Variants in ZNF729 observed in about 807,000 individuals in gnomAD.
ZNF729 encodes zinc finger protein 729.
ZNF729 carries 15 observed loss-of-function variants against 12.2 expected under a neutral mutation model. That is an observed-to-expected ratio of 1.23 (90% CI 0.82 to 1.89). The LOEUF (loss-of-function observed/expected upper bound fraction) is 1.89, where lower values mean the gene tolerates loss of function less well. Ranked by LOEUF, ZNF729 falls within the 40% of genes most tolerant of loss-of-function variation. ZNF729 has a pLI of 0.00. For synonymous variants in ZNF729, 492 were observed against 476.3 expected, an observed-to-expected ratio of 1.03 and a Z score of -0.43; for missense variants, 1,540 against 1,456.7, an observed-to-expected ratio of 1.06 and a Z score of -0.93.
Position 22,286,471 on chromosome 19 carries a change from T to A in ZNF729, c.-55T>A. 1 of 1,609,062 alleles carries A rather than the reference T, an allele frequency of 6.2e-7. No homozygotes were observed. Among genetic ancestry groups the A allele is most frequent in the Non-Finnish European group, 8.5e-7 (1 of 1,178,254 alleles). On this transcript the variant is annotated 5_prime_UTR_variant, in exon 1 of 4. Coordinates refer to ENST00000601693, the MANE Select transcript of ZNF729 (RefSeq NM_001242680.2). ...TCCCGGTCTCGCCTTCACTGCTGTGTGTCCTCAGCCTCTGTGGCCCTGTAA... is the reference window on the plus strand; with the variant it reads ...TCCCGGTCTCGCCTTCACTGCTGTGAGTCCTCAGCCTCTGTGGCCCTGTAA...
In ZNF729 at chr19:22,314,484, C is replaced by CT. The variant is rs1291312965; in HGVS notation, c.1071dup (p.Ser358Ter). 6.2e-7 allele frequency: 1 copy of CT among 1,608,608 alleles called. No individual in the cohort carries two copies. Among genetic ancestry groups the CT allele is most frequent in the Admixed American group, 1.7e-5 (1 of 59,500 alleles). ...TACAAGCGTGAAGAATGTGGCAAAGCTTTTAGCCAGTCCTCAACCCTTAGA... is the reference window on the plus strand; with the variant it reads ...TACAAGCGTGAAGAATGTGGCAAAGCTTTTTAGCCAGTCCTCAACCCTTAGA... On this transcript the variant is annotated frameshift_variant, in exon 4 of 4. Transcript: ENST00000601693. LOFTEE classifies it low-confidence loss of function (END_TRUNC).
At position 22,295,034 on chromosome 19, in the gene ZNF729, ATATTTG is replaced by A. The variant is rs1264505498; in HGVS notation, c.30+8481_30+8486del. On this transcript the variant is annotated intron_variant, in intron 1 of 3. Coordinates refer to ENST00000601693, the MANE Select transcript of ZNF729 (RefSeq NM_001242680.2). ...CTTCTCTGGTTAGGTGTACTCCTAG[ATATTTG>A]TGTGTGTGTGTGTGTGTGTGTGTGT... 1.6e-4 allele frequency among the ~76,000 whole-genome samples: 18 copies of A among 113,464 alleles called. No individual in the cohort carries two copies. The East Asian group carries it at 4.2e-3, about 26-fold the overall frequency. 74.4% of individuals were successfully genotyped at this position (113,464 alleles called of 152,430 possible).
At position 22,286,643 on chromosome 19, in the gene ZNF729, C is replaced by A. The variant is rs115202537; in HGVS notation, c.30+88C>A. 4.4e-3 allele frequency: 6,683 copies of A among 1,523,130 alleles called. 250 individuals carry two copies. The African/African-American group carries it at 0.079, about 18-fold the overall frequency. The allele number at this position is 1,523,130 out of a possible 1,614,324, so 94.4% of individuals were successfully genotyped here. ...GGCTGTGGCGGGACTCCGGCCTCCC[C>A]GCAGTCAGCTCCACAATCTGCGCCT... On this transcript the variant is annotated intron_variant, in intron 1 of 3. Transcript: ENST00000601693.
intron 3 of ZNF729, among the ~76,000 whole-genome samples, chr19:22,307,798 G>A (rs1330542432): frequency 1.3e-5 from 1 of 76,920 alleles, no homozygotes; most frequent in Non-Finnish European, 2.5e-5. Context: ...GGAAAGCTCT[G>A]TGTTTTTTTT....
At chr19:22,295,881 A>G in intron 1 of ZNF729, among the ~76,000 whole-genome samples, 1 of 152,168 alleles carries the variant, frequency 6.6e-6, no homozygotes, top group Middle Eastern at 3.4e-3. Flanking sequence ...TATTGAGATA[A>G]TTTTTTTGGT....
rs1296926759 is a variant in ZNF729, at chr19:22,316,876, T to A, written c.3459T>A (p.Ile1153=). The A allele has an allele frequency of 6.2e-7, 1 of 1,613,008 alleles. No individual in the cohort carries two copies. Among genetic ancestry groups the A allele is most frequent in the African/African-American group, 1.3e-5 (1 of 75,048 alleles). ...QSSILTKHKI[I]HSVEKPYKCE... ...CAATCCTTACTAAACATAAGATAAT[T>A]CATTCTGTAGAGAAACCCTACAAAT... The change falls in exon 4 of 4, where the codon ATT becomes ATA. Residue 1153 remains isoleucine, a synonymous_variant. Transcript: ENST00000601693.
In ZNF729 at chr19:22,316,872, T is replaced by C. The variant is rs1968554001; in HGVS notation, c.3455T>C (p.Ile1152Thr). The part of the protein sequence containing the change: ...SQSSILTKHK[I>T]IHSVEKPYKC... ...TCCTCAATCCTTACTAAACATAAGA[T>C]AATTCATTCTGTAGAGAAACCCTAC... Residue 1152 changes from isoleucine to threonine, a missense_variant, in exon 4 of 4, where the codon ATA (isoleucine) becomes ACA (threonine). Ile to Thr is a moderately conservative substitution (Grantham distance 89). Transcript: ENST00000601693. The C allele has an allele frequency of 6.2e-7, 1 of 1,612,280 alleles. No homozygotes were observed. The highest frequency in any genetic ancestry group is 1.1e-5 in the South Asian group (1 of 91,048).
chr19:22,295,389 CTTTTTTTTT>C (rs746054091), intron 1 of ZNF729, among the ~76,000 whole-genome samples: 2,294 of 130,876 alleles, frequency 0.018, 78 homozygotes, highest in African/African-American at 0.062. Flanking sequence ...AGTTTTCTTT[CTTTTTTTTT>C]TTTTTTTTTG....
At chr19:22,295,456 TCTCCGCTCACTGCAAGCTCCGC>T (rs1312643933) in intron 1 of ZNF729, among the ~76,000 whole-genome samples, 17 of 151,186 alleles carry the variant, frequency 1.1e-4, no homozygotes, top group Admixed American at 2.6e-4. Context: ...GGTGCAATCT[TCTCCGCTCACTGCAAGCTCCGC>T]CTCCCGTGTT....
At chr19:22,286,593 G>T in intron 1 of ZNF729, 38 bp downstream of exon 1, 1 of 1,613,920 alleles carries the variant, frequency 6.2e-7, no homozygotes, top group Non-Finnish European at 8.5e-7. Flanking sequence ...GAAGGGGAAG[G>T]GGCTGATTGG....
intron 1 of ZNF729, among the ~76,000 whole-genome samples, chr19:22,300,399 A>T (rs754097725): frequency 1.3e-5 from 2 of 152,124 alleles, no homozygotes; most frequent in Non-Finnish European, 2.9e-5. Flanking sequence ...TGTCTGTTCT[A>T]TTGTGGAGTT....
At chr19:22,292,832 T>A (rs1968173224) in intron 1 of ZNF729, among the ~76,000 whole-genome samples, 1 of 152,208 alleles carries the variant, frequency 6.6e-6, no homozygotes, top group African/African-American at 2.4e-5. Context: ...AATGAACATG[T>A]ATGTGCAGGT....
At chr19:22,291,625 A>G (rs963456706) in intron 1 of ZNF729, among the ~76,000 whole-genome samples, 21 of 152,140 alleles carry the variant, frequency 1.4e-4, no homozygotes, top group African/African-American at 5.1e-4. Context: ...GCCTGCATGG[A>G]CCCAGAAATT....
chr19:22,303,560 G>A (rs1238530854), intron 1 of ZNF729, among the ~76,000 whole-genome samples, 198 bp from the exon 2 acceptor site: 3 of 152,192 alleles, frequency 2.0e-5, no homozygotes, highest in African/African-American at 7.2e-5. Flanking sequence ...CGGATCTTAT[G>A]CCATTCTTTT....
Position 22,315,341 on chromosome 19 carries a change from C to G in ZNF729, c.1924C>G (p.His642Asp). The change falls in exon 4 of 4, where the codon CAC (histidine) becomes GAC (aspartate). Residue 642 changes from histidine to aspartate, a missense_variant. His to Asp is a moderately conservative substitution (Grantham distance 81, BLOSUM62 -1). Transcript: ENST00000601693. ...TGGCAAAGCTTTTAGGCAATCCTCA[C>G]ACCTTACTAGACATAAAGCAATTCA... ...ECGKAFRQSS[H>D]LTRHKAIHTG... 6.2e-7 allele frequency: 1 copy of G among 1,607,592 alleles called. No individual in the cohort carries two copies. The highest frequency in any genetic ancestry group is 8.5e-7 in the Non-Finnish European group (1 of 1,177,878).
chr19:22,291,825 C>A (rs1167770596), intron 1 of ZNF729, among the ~76,000 whole-genome samples: 10 of 152,350 alleles, frequency 6.6e-5, no homozygotes, highest in Non-Finnish European at 1.0e-4. Context: ...CCTCAGCCTT[C>A]TGGTTTCAAG....
At position 22,314,421 on chromosome 19, in the gene ZNF729, T is replaced by G. The variant is rs1334794734; in HGVS notation, c.1004T>G (p.Leu335Arg). Residue 335 changes from leucine (L) to arginine (R), a missense_variant, in exon 4 of 4, where the codon CTT (leucine) becomes CGT (arginine). Physicochemically the swap from Leu to Arg is moderately radical, Grantham distance 102. Coordinates refer to ENST00000601693, the MANE Select transcript of ZNF729 (RefSeq NM_001242680.2). ...CGKTFNHFSA[L>R]RKHKIIHTGK... ...AAAACTTTTAACCATTTCTCAGCCC[T>G]TAGAAAACATAAGATAATTCATACT... 3 of 1,591,202 alleles carry G rather than the reference T, an allele frequency of 1.9e-6. No homozygotes were observed. Among genetic ancestry groups the G allele is most frequent in the Non-Finnish European group, 1.7e-6 (2 of 1,166,030 alleles).
intron 3 of ZNF729, 68 bp downstream of exon 3, chr19:22,304,851 T>G (rs1448574433): frequency 4.4e-5 from 65 of 1,479,570 alleles, no homozygotes; most frequent in Non-Finnish European, 5.8e-5. Context: ...AAGCCAGTTC[T>G]CAAAATGTGA....
intron 1 of ZNF729, among the ~76,000 whole-genome samples, chr19:22,290,293 G>A (rs1000319415): frequency 1.3e-5 from 2 of 152,210 alleles, no homozygotes; most frequent in African/African-American, 4.8e-5. Context: ...TTAAGGTTAA[G>A]ATGAAAGGGG....
Sources: gnomAD v4.1 joint callset for allele counts (sites outside exome capture counted in the v4.1 genomes callset) on GRCh38, gnomAD v4.1.1 for gene constraint, MANE v1.5 for transcripts, NCBI Gene and HGNC (gene_info 2026-07-23, HGNC 2026-07-21) for gene names.